Variants in RASA1 observed in about 807,000 individuals in gnomAD.
RASA1 encodes the protein ras GTPase-activating protein 1.
In RASA1, 25 loss-of-function variants were observed where a neutral mutation model predicts 132.2. The observed-to-expected ratio is 0.19, with a 90% CI of 0.14 to 0.26. The LOEUF is 0.26. Among genes scored for constraint, RASA1 ranks in the 10% least tolerant of loss-of-function variants. RASA1 has a pLI of 1.00. For missense variants in RASA1, 964 were observed against 1,299.2 expected, an observed-to-expected ratio of 0.74 and a Z score of 3.97; for synonymous variants, 477 against 449.9, an observed-to-expected ratio of 1.06 and a Z score of -0.76.
In RASA1 at chr5:87,376,942, G is replaced by A. The variant is rs1761368507; in HGVS notation, c.2246G>A (p.Arg749Gln). 1 of 1,610,856 alleles carries A rather than the reference G, an allele frequency of 6.2e-7. No homozygotes were observed. Among genetic ancestry groups the A allele is most frequent in the Non-Finnish European group, 8.5e-7 (1 of 1,177,072 alleles). The change falls in exon 17 of 25, where the codon CGA becomes CAA. Residue 749 changes from arginine to glutamine, a missense_variant. Around this residue, in one of 6 missense-constraint regions of RASA1, gnomAD observed 346 missense variants for 520.1 expected, o/e 0.67. Transcript: ENST00000274376. Reference protein sequence around the residue: ...YALSHVCGQDRTLLASILLRI... With the variant: ...YALSHVCGQDQTLLASILLRI... ...TTATCACATGTATGTGGACAAGACC[G>A]AACACTACTGGCCAGCATCCTACTG...
Position 87,346,733 on chromosome 5 carries a change from A to G in RASA1, c.1102+9A>G, listed in dbSNP as rs942850053. 2.0e-6 allele frequency: 3 copies of G among 1,529,576 alleles called. No individual in the cohort carries two copies. The highest frequency in any genetic ancestry group is 2.7e-5 in the African/African-American group (2 of 72,924). 94.8% of individuals were successfully genotyped at this position (1,529,576 alleles called of 1,614,324 possible). On this transcript the variant is annotated intron_variant, in intron 7 of 24. Transcript: ENST00000274376. ...TAATTTACTAATGACAGGTACTTACATATTTACTTGCTTTTCTAATGTCTA... is the reference window on the plus strand; with the variant it reads ...TAATTTACTAATGACAGGTACTTACGTATTTACTTGCTTTTCTAATGTCTA...
At chr5:87,298,296 C>T (rs1309101003) in intron 1 of RASA1, among the ~76,000 whole-genome samples, 1 of 151,674 alleles carries the variant, frequency 6.6e-6, no homozygotes, top group Non-Finnish European at 1.5e-5. Context: ...GTAGTCCCAG[C>T]TACTCGGGAG....
At chr5:87,292,161 G>GTTT (rs1023852817) in intron 1 of RASA1, among the ~76,000 whole-genome samples, 1 of 152,084 alleles carries the variant, frequency 6.6e-6, no homozygotes, top group Non-Finnish European at 1.5e-5. Flanking sequence ...CAGAGCAGAA[G>GTTT]TTTTTAATTT....
chr5:87,332,442 A>G (rs1757670628), intron 2 of RASA1, 65 bp from the exon 3 acceptor site: 3 of 1,475,608 alleles, frequency 2.0e-6, no homozygotes, highest in East Asian at 4.6e-5. Context: ...ATTTCTTTAT[A>G]AAACTTGATT....
chr5:87,333,766 T>C (rs1227040009), intron 4 of RASA1, among the ~76,000 whole-genome samples: 1 of 152,184 alleles, frequency 6.6e-6, no homozygotes, highest in Non-Finnish European at 1.5e-5. Flanking sequence ...TTCTATATAA[T>C]TATATAATTT....
chr5:87,361,395 A>G (rs1052942762), intron 9 of RASA1, among the ~76,000 whole-genome samples: 2 of 152,222 alleles, frequency 1.3e-5, no homozygotes, highest in Non-Finnish European at 2.9e-5. Context: ...ATGAAACAGC[A>G]TAATGTTTCA....
intron 23 of RASA1, among the ~76,000 whole-genome samples, chr5:87,387,270 C>T (rs778450574): frequency 4.0e-4 from 61 of 152,010 alleles, no homozygotes; most frequent in Non-Finnish European, 7.1e-4. Flanking sequence ...TGAAGCAAGA[C>T]GATGACACAG....
intron 1 of RASA1, among the ~76,000 whole-genome samples, chr5:87,273,026 T>C (rs1449235627): frequency 6.6e-6 from 1 of 152,238 alleles, no homozygotes; most frequent in African/African-American, 2.4e-5. Context: ...GGTCACAGGA[T>C]TGAGTCCACA....
intron 23 of RASA1, chr5:87,389,153 A>G: frequency 2.4e-6 from 1 of 409,666 alleles, no homozygotes; most frequent in Non-Finnish European, 4.6e-6. Context: ...ATGAGACTAC[A>G]GAGAAAGATT....
Position 87,391,460 on chromosome 5 carries a change from T to C in RASA1, c.*577T>C, listed in dbSNP as rs1488076469. On this transcript the variant is annotated 3_prime_UTR_variant, in exon 25 of 25. Coordinates refer to ENST00000274376, the MANE Select transcript of RASA1 (RefSeq NM_002890.3). ...AAAAATACTCTGCTATTTCTCTTGC[T>C]GGAACTGTTGAAAGAAAATATATAG... 13 of 241,872 alleles carry C rather than the reference T, an allele frequency of 5.4e-5. No homozygotes were observed. The highest frequency in any genetic ancestry group is 9.0e-5 in the Non-Finnish European group (11 of 122,136). 15.0% of individuals were successfully genotyped at this position (241,872 alleles called of 1,614,324 possible). A position where few individuals can be genotyped will look rare whatever the true frequency, so the allele number is the denominator to read the frequency against.
At chr5:87,302,719 A>G (rs1458830972) in intron 1 of RASA1, among the ~76,000 whole-genome samples, 53 of 150,678 alleles carry the variant, frequency 3.5e-4, no homozygotes, top group Admixed American at 3.5e-3. Context: ...TATTATCAGC[A>G]TCCTAGATAT....
chr5:87,315,977 TTTA>T (rs1423889439), intron 1 of RASA1, among the ~76,000 whole-genome samples: 2 of 152,230 alleles, frequency 1.3e-5, no homozygotes, highest in Non-Finnish European at 2.9e-5. Flanking sequence ...TGTAATTCAA[TTTA>T]TTAGTAATTT....
chr5:87,305,584 T>C (rs1392685347), intron 1 of RASA1, among the ~76,000 whole-genome samples: 1 of 152,194 alleles, frequency 6.6e-6, no homozygotes, highest in Non-Finnish European at 1.5e-5. Context: ...GGGCAAAGTT[T>C]CATGAGGAAG....
chr5:87,384,693 G>A (rs1761946555), intron 21 of RASA1, among the ~76,000 whole-genome samples: 1 of 152,046 alleles, frequency 6.6e-6, no homozygotes, highest in Non-Finnish European at 1.5e-5. Flanking sequence ...AAGTTCCAGA[G>A]CTTATATTTA....
At chr5:87,347,581 T>C (rs894150664) in intron 7 of RASA1, among the ~76,000 whole-genome samples, 1 of 152,024 alleles carries the variant, frequency 6.6e-6, no homozygotes, top group Admixed American at 6.6e-5. Flanking sequence ...ACCCTAATTA[T>C]AGAGGTAATC....
At chr5:87,295,256 C>G (rs1247505159) in intron 1 of RASA1, among the ~76,000 whole-genome samples, 1 of 151,866 alleles carries the variant, frequency 6.6e-6, no homozygotes, top group Non-Finnish European at 1.5e-5. Flanking sequence ...GTTTCTTGTT[C>G]ATATAGTAGG....
At chr5:87,376,648 A>G (rs1580386262) in intron 16 of RASA1, 83 bp downstream of exon 16, 1 of 1,467,958 alleles carries the variant, frequency 6.8e-7, no homozygotes, top group East Asian at 2.4e-5. Flanking sequence ...TAAGGTAAAC[A>G]TAGTAATTCA....
At chr5:87,309,593 A>G (rs890062340) in intron 1 of RASA1, among the ~76,000 whole-genome samples, 1 of 152,112 alleles carries the variant, frequency 6.6e-6, no homozygotes, top group Non-Finnish European at 1.5e-5. Flanking sequence ...ATGATACTGT[A>G]AACAGCCACA....
chr5:87,333,430 A>G, intron 4 of RASA1, 93 bp downstream of exon 4: 1 of 1,556,792 alleles, frequency 6.4e-7, no homozygotes, highest in South Asian at 1.2e-5. Flanking sequence ...TGAAATTTGA[A>G]GAAATGGCAT....
Sources: gnomAD v4.1 joint callset for allele counts (sites outside exome capture counted in the v4.1 genomes callset) on GRCh38, gnomAD v4.1.1 for gene constraint, gnomAD v4.1.1 regional missense constraint, MANE v1.5 for transcripts, NCBI Gene and HGNC (gene_info 2026-07-23, HGNC 2026-07-21) for gene names.